The following INO80 variants were observed in gnomAD, a reference collection of about 807,000 sequenced individuals.
INO80 encodes INO80 complex ATPase subunit.
A neutral mutation model predicts 203.4 loss-of-function variants in INO80; 20 were observed. That is an observed-to-expected ratio of 0.10 (90% CI 0.07 to 0.14). The LOEUF is 0.14. Among genes scored for constraint, INO80 ranks in the 10% least tolerant of loss-of-function variants. The pLI is 1.00. For synonymous variants in INO80, 726 were observed against 685.2 expected (o/e 1.06, Z -0.93); for missense variants, 1,419 against 1,914.4 (o/e 0.74, Z 4.83).
chr15:41,080,436 C>A (rs1460866419), intron 8 of INO80, among the ~76,000 whole-genome samples: 1 of 152,150 alleles, frequency 6.6e-6, no homozygotes, highest in Non-Finnish European at 1.5e-5. Context: ...GTATTCACAT[C>A]ATTATTTCTT....
intron 7 of INO80, among the ~76,000 whole-genome samples, chr15:41,084,706 T>C (rs898250900): frequency 6.6e-6 from 1 of 152,208 alleles, no homozygotes; most frequent in East Asian, 1.9e-4. Context: ...CTAAGAAACA[T>C]ATCAACTCCT....
At chr15:41,048,507 T>C (rs1459074445) in intron 21 of INO80, among the ~76,000 whole-genome samples, 1 of 152,204 alleles carries the variant, frequency 6.6e-6, no homozygotes, top group African/African-American at 2.4e-5. Flanking sequence ...TCATTTTATT[T>C]CAGAGAATCA....
chr15:41,074,918 T>C (rs1349168085), intron 9 of INO80, among the ~76,000 whole-genome samples: 1 of 152,140 alleles, frequency 6.6e-6, no homozygotes, highest in Non-Finnish European at 1.5e-5. Flanking sequence ...CTAATTTGTA[T>C]ATTACTAGTA....
intron 4 of INO80, among the ~76,000 whole-genome samples, chr15:41,092,854 C>T (rs1869761828): frequency 6.6e-6 from 1 of 152,006 alleles, no homozygotes; most frequent in Non-Finnish European, 1.5e-5. Context: ...GCCGGGAGTT[C>T]GAGACTAGCT....
chr15:41,035,612 G>A (rs1322186870), intron 24 of INO80, among the ~76,000 whole-genome samples: 1 of 151,588 alleles, frequency 6.6e-6, no homozygotes, highest in South Asian at 2.1e-4. Flanking sequence ...ACGAGGTCGG[G>A]AGATCAAGAC....
rs765834397 is a variant in INO80 at position 41,074,463 on chromosome 15, C to T, written c.1234G>A (p.Glu412Lys). ...KRDMGHDGIQ[E>K]EILRKLEDSS... ...TCTTCCAGTTTCCTTAGGATTTCTT[C>T]CTGGATACCATCATGACCCATATCT... The change falls in exon 10 of 36, where the codon GAA (glutamate) becomes AAA (lysine). Residue 412 changes from glutamate to lysine, a missense_variant. Glu to Lys is a moderately conservative substitution (Grantham distance 56). This residue lies in a region of INO80 where 116 missense variants were observed against 119.5 expected (regional missense o/e 0.97). Transcript: ENST00000648947. 6.2e-7 allele frequency: 1 copy of T among 1,613,938 alleles called. No homozygotes were observed. Among genetic ancestry groups the T allele is most frequent in the Admixed American group, 1.7e-5 (1 of 59,992 alleles).
chr15:41,045,606 A>C (rs2044743102), intron 23 of INO80, among the ~76,000 whole-genome samples: 1 of 144,168 alleles, frequency 6.9e-6, no homozygotes, highest in Non-Finnish European at 1.5e-5. Flanking sequence ...AAAAAAATTC[A>C]CCTTGGCCGG....
intron 8 of INO80, 148 bp from the exon 9 acceptor site, chr15:41,080,052 G>T: frequency 1.5e-6 from 1 of 671,866 alleles, no homozygotes; most frequent in Non-Finnish European, 2.6e-6. Flanking sequence ...TAATGTCCTT[G>T]TACAGTACTG....
chr15:41,055,183 T>C, intron 18 of INO80, 64 bp downstream of exon 18: 1 of 794,154 alleles, frequency 1.3e-6, no homozygotes, highest in East Asian at 2.7e-5. Context: ...TAAAAGAAAA[T>C]ATGCAATTAC....
chr15:41,050,376 A>G (rs1269607030), intron 19 of INO80, among the ~76,000 whole-genome samples: 1 of 152,226 alleles, frequency 6.6e-6, no homozygotes, highest in African/African-American at 2.4e-5. Context: ...AGTAACATAC[A>G]AAAGTACATT....
intron 1 of INO80, among the ~76,000 whole-genome samples, chr15:41,102,187 T>G (rs1447744678): frequency 6.6e-6 from 1 of 151,820 alleles, no homozygotes. Context: ...CAAGACTCCA[T>G]CTCAAAAAAA....
chr15:41,047,068 A>G (rs1468049348), intron 23 of INO80, among the ~76,000 whole-genome samples: 3 of 151,986 alleles, frequency 2.0e-5, no homozygotes, highest in East Asian at 3.9e-4. Flanking sequence ...CCCAGGTTCA[A>G]GCAATTCTCC....
intron 19 of INO80, among the ~76,000 whole-genome samples, chr15:41,051,318 T>C (rs1309481651): frequency 9.2e-5 from 14 of 151,808 alleles, no homozygotes; most frequent in Admixed American, 9.2e-4. Context: ...ATTCCCACCA[T>C]ATTTTCCTAG....
chr15:41,030,427 A>ATC (rs2044441003), intron 24 of INO80, among the ~76,000 whole-genome samples: 1 of 152,142 alleles, frequency 6.6e-6, no homozygotes, highest in African/African-American at 2.4e-5. Flanking sequence ...CAGTGGTGCG[A>ATC]TCTCGGCTCA....
At position 41,071,948 on chromosome 15, in the gene INO80, G is replaced by GA. The variant is rs2045325029; in HGVS notation, c.1505dup (p.Arg503ProfsTer4). 6.2e-7 allele frequency: 1 copy of GA among 1,613,862 alleles called. No homozygotes were observed. The highest frequency in any genetic ancestry group is 1.3e-5 in the African/African-American group (1 of 74,894). On this transcript the variant is annotated frameshift_variant, in exon 12 of 36. Coordinates refer to ENST00000648947, the MANE Select transcript of INO80 (RefSeq NM_017553.3). LOFTEE classifies it high-confidence loss of function. ...GCTGTGGAATATCCTCACCAGCCCGGATAGATGGGTTAGCCAGGCTATAAC... is the reference window on the plus strand; with the variant it reads ...GCTGTGGAATATCCTCACCAGCCCGGAATAGATGGGTTAGCCAGGCTATAAC...
chr15:41,045,161 A>C (rs549622003), intron 23 of INO80, 86 bp from the exon 24 acceptor site: 2 of 951,076 alleles, frequency 2.1e-6, no homozygotes. Context: ...GTCTCTCATT[A>C]ACATAACTCT....
At chr15:40,984,161 T>A in intron 33 of INO80, 36 bp downstream of exon 33, 2 of 1,606,952 alleles carry the variant, frequency 1.2e-6, no homozygotes, top group African/African-American at 2.7e-5. Context: ...GGACACTCCT[T>A]ACGGCTGTGA....
chr15:41,023,588 G>C (rs947963254), intron 25 of INO80, among the ~76,000 whole-genome samples: 1 of 151,718 alleles, frequency 6.6e-6, no homozygotes, highest in Non-Finnish European at 1.5e-5. Context: ...GGCCAACATG[G>C]TGAAACCCCG....
intron 35 of INO80, 87 bp from the exon 36 acceptor site, chr15:40,980,527 G>T: frequency 1.0e-6 from 1 of 982,024 alleles, no homozygotes; most frequent in Non-Finnish European, 1.6e-6. Flanking sequence ...CAGAGTCTGA[G>T]CTGGAGGAGA....
Sources: allele counts gnomAD v4.1 joint callset (sites outside exome capture counted in the v4.1 genomes callset), GRCh38; gene constraint gnomAD v4.1.1; regional missense constraint gnomAD v4.1.1; transcripts MANE v1.5; gene names NCBI Gene and HGNC (gene_info 2026-07-23, HGNC 2026-07-21).